The following DKK4 variants were observed in gnomAD, a reference collection of about 807,000 sequenced individuals.
The protein encoded by DKK4 is dickkopf Wnt signaling pathway inhibitor 4, also known as dickkopf-related protein 4.
In DKK4, 15 loss-of-function variants were observed where a neutral mutation model predicts 14.5. That is an observed-to-expected ratio of 1.03 (90% CI 0.69 to 1.59). The LOEUF (loss-of-function observed/expected upper bound fraction) is 1.59, where lower values mean the gene tolerates loss of function less well. Among genes scored for constraint, DKK4 ranks in the 40% most tolerant of loss-of-function variants. The pLI is 0.00. For synonymous variants in DKK4, 89 were observed against 105.2 expected (o/e 0.85, Z 0.94); for missense variants, 272 against 280.3 (o/e 0.97, Z 0.21).
At chr8:42,384,667 C>T in the DKK4 span, among the ~76,000 whole-genome samples, 1 of 152,108 alleles carries the variant, frequency 6.6e-6, no homozygotes, top group South Asian at 2.1e-4. Context: ...CAGGAGTTTC[C>T]CTCTGGTCGT....
chr8:42,384,834 G>A, the DKK4 span, among the ~76,000 whole-genome samples: 4 of 152,202 alleles, frequency 2.6e-5, no homozygotes, highest in African/African-American at 4.8e-5. Flanking sequence ...ACTAACTGAC[G>A]TCTATTTCCA....
At chr8:42,388,650 G>A in the DKK4 span, among the ~76,000 whole-genome samples, 23 of 151,202 alleles carry the variant, frequency 1.5e-4, no homozygotes, top group Admixed American at 1.3e-3. Flanking sequence ...GGCTCAGTGC[G>A]AACTCCGCCT....
At chr8:42,380,859 G>A (rs930610528), upstream of DKK4, among the ~76,000 whole-genome samples, 3 of 147,336 alleles carry the variant, frequency 2.0e-5, no homozygotes, top group Non-Finnish European at 4.5e-5. Flanking sequence ...AAAAAAGGAA[G>A]GAGAGAGAAA....
rs757439121 is a variant in DKK4 at position 42,377,068 on chromosome 8, A to T, written c.-23T>A. The stretch of plus-strand genomic sequence containing the variant: ...CATCCTTCAATCCCGGGGCTCCTGG[A>T]GGGTCCCAGCACTGTGCGTCACCAA... On this transcript the variant is annotated 5_prime_UTR_variant, in exon 1 of 4. Coordinates refer to ENST00000220812, the MANE Select transcript of DKK4 (RefSeq NM_014420.3). 12 of 1,603,016 alleles carry T rather than the reference A, an allele frequency of 7.5e-6. No individual in the cohort carries two copies. The highest frequency in any genetic ancestry group is 1.3e-5 in the African/African-American group (1 of 74,778).
chr8:42,379,378 TAGAGAGAGAGAG>T (rs537441477), upstream of DKK4, among the ~76,000 whole-genome samples: 213 of 34,500 alleles, frequency 6.2e-3, 4 homozygotes, highest in East Asian at 0.015. Flanking sequence ...TATATATATA[TAGAGAGAGAGAG>T]AGAGAGAGAG....
upstream of DKK4, among the ~76,000 whole-genome samples, chr8:42,379,350 C>CATATATATATATATAT (rs1824620457): frequency 5.7e-5 from 1 of 17,428 alleles, no homozygotes; most frequent in Non-Finnish European, 1.3e-4. Flanking sequence ...GGAGATTAAG[C>CATATATATATATATAT]CTATATATAT....
intron 2 of DKK4, 114 bp downstream of exon 2, chr8:42,375,566 C>G (rs1824540782): frequency 7.8e-7 from 1 of 1,279,540 alleles, no homozygotes; most frequent in Non-Finnish European, 1.1e-6. Context: ...ACATTTACTT[C>G]AAGCATGAAT....
the DKK4 span, among the ~76,000 whole-genome samples, chr8:42,390,182 C>T: frequency 4.6e-5 from 7 of 151,984 alleles, no homozygotes; most frequent in South Asian, 2.1e-4. Context: ...GCGTGAGCCA[C>T]CGCGCCCGGG....
chr8:42,375,555 T>A, intron 2 of DKK4, 125 bp downstream of exon 2: 3 of 1,135,542 alleles, frequency 2.6e-6, no homozygotes, highest in Non-Finnish European at 3.6e-6. Context: ...GGCAGCTGCA[T>A]ACATTTACTT....
the DKK4 span, among the ~76,000 whole-genome samples, chr8:42,384,572 T>C: frequency 1.3e-5 from 2 of 152,088 alleles, no homozygotes; most frequent in Non-Finnish European, 2.9e-5. Context: ...GCTCCTACCT[T>C]GAGTGTCGTC....
intron 3 of DKK4, 82 bp from the exon 4 acceptor site, chr8:42,374,441 G>A: frequency 6.5e-7 from 1 of 1,545,092 alleles, no homozygotes; most frequent in South Asian, 1.2e-5. Flanking sequence ...AAGGGAATGG[G>A]ACCTATGACT....
chr8:42,375,760 G>C lies in DKK4; in HGVS notation c.182C>G (p.Pro61Arg), dbSNP rs763523246. Reference protein sequence around the residue: ...KFCLQPRDEKPFCATCRGLRR... With the variant: ...KFCLQPRDEKRFCATCRGLRR... ...CAACCCACGACATGTAGCACAGAACGGCTTCTCATCGCGGGGCTGGAGGCA... is the reference window on the plus strand; with the variant it reads ...CAACCCACGACATGTAGCACAGAACCGCTTCTCATCGCGGGGCTGGAGGCA... Residue 61 changes from proline to arginine, a missense_variant, in exon 2 of 4, where the codon CCG becomes CGG. By Grantham distance (103) the Pro-to-Arg change is moderately radical (BLOSUM62 -2). Coordinates refer to ENST00000220812, the MANE Select transcript of DKK4 (RefSeq NM_014420.3). 6.2e-7 allele frequency: 1 copy of C among 1,614,158 alleles called. No homozygotes were observed. Among genetic ancestry groups the C allele is most frequent in the Non-Finnish European group, 8.5e-7 (1 of 1,180,026 alleles).
chr8:42,388,476 C>G, the DKK4 span, among the ~76,000 whole-genome samples: 2 of 151,680 alleles, frequency 1.3e-5, no homozygotes, highest in Non-Finnish European at 2.9e-5. Flanking sequence ...GTGATCCACC[C>G]GCCCGAGCCT....
chr8:42,387,161 C>T, the DKK4 span, among the ~76,000 whole-genome samples: 1 of 152,040 alleles, frequency 6.6e-6, no homozygotes, highest in Non-Finnish European at 1.5e-5. Flanking sequence ...GAGTCCCTTC[C>T]CAGCTCTAAA....
Position 42,375,722 on chromosome 8 carries a change from G to C in DKK4, c.220C>G (p.Gln74Glu), listed in dbSNP as rs747187598. The change falls in exon 2 of 4, where the codon CAG becomes GAG. Residue 74 changes from glutamine (Q) to glutamate (E), a missense_variant. Transcript: ENST00000220812. ...ATCRGLRRRCQRDAMCCPGTL... is the reference protein window; with the variant it reads ...ATCRGLRRRCERDAMCCPGTL... ...CCAGGGCAGCACATGGCATCTCGCT[G>C]GCACCTCCTCCGCAACCCACGACAT... The C allele has an allele frequency of 3.7e-6, 6 of 1,613,772 alleles. No individual in the cohort carries two copies. In the East Asian group the frequency reaches 1.3e-4, roughly 36 times the overall value.
chr8:42,387,118 G>A, the DKK4 span, among the ~76,000 whole-genome samples: 2 of 152,148 alleles, frequency 1.3e-5, no homozygotes, highest in Non-Finnish European at 2.9e-5. Context: ...CACGAAAGAC[G>A]CTTAGCAAAC....
At position 42,376,922 on chromosome 8, in the gene DKK4, C is replaced by T; in HGVS notation, c.111+13G>A. 6.2e-7 allele frequency: 1 copy of T among 1,611,774 alleles called. No homozygotes were observed. The highest frequency in any genetic ancestry group is 2.2e-5 in the East Asian group (1 of 44,880). On this transcript the variant is annotated intron_variant, in intron 1 of 3. Transcript: ENST00000220812. Reference sequence around the variant, plus strand: ...GCAGTCCCGTACCTCGCCCCCCTCCCTAGCAGCCTTACCTTCCGGGCCCCA... The same window carrying T: ...GCAGTCCCGTACCTCGCCCCCCTCCTTAGCAGCCTTACCTTCCGGGCCCCA...
upstream of DKK4, among the ~76,000 whole-genome samples, chr8:42,378,477 ATGGAAGTTACTTGTTTTAATCCC>A (rs1824602405): frequency 6.6e-6 from 1 of 152,104 alleles, no homozygotes. Flanking sequence ...TACCTCTCGT[ATGGAAGTTACTTGTTTTAATCCC>A]TTAAACTGAC....
At chr8:42,382,337 GC>G in the DKK4 span, among the ~76,000 whole-genome samples, 1 of 152,198 alleles carries the variant, frequency 6.6e-6, no homozygotes, top group Non-Finnish European at 1.5e-5. Context: ...GAAATGAGAT[GC>G]CCCCCTGTGG....
Sources: gnomAD v4.1 joint callset for allele counts (sites outside exome capture counted in the v4.1 genomes callset) on GRCh38, gnomAD v4.1.1 for gene constraint, MANE v1.5 for transcripts, NCBI Gene and HGNC (gene_info 2026-07-23, HGNC 2026-07-21) for gene names.